ZNF385D: variants seen among roughly 807,000 people sequenced by gnomAD.
The protein encoded by ZNF385D is zinc finger protein 659.
Under a neutral mutation model 35.8 loss-of-function variants are expected in ZNF385D, and 15 were observed. The ratio of observed to expected loss-of-function variants is 0.42; its 90% confidence interval spans 0.28 to 0.64. The LOEUF (loss-of-function observed/expected upper bound fraction) is 0.64, where lower values mean the gene tolerates loss of function less well. Among genes scored for constraint, ZNF385D ranks in the 30% least tolerant of loss-of-function variants. The pLI is 0.23. For synonymous variants in ZNF385D, 212 were observed against 186.8 expected (o/e 1.13, Z -1.10); for missense variants, 474 against 494.6 (o/e 0.96, Z 0.39).
rs61668943 is a variant in ZNF385D, at chr3:22,180,914, C to CTTTTTTTTTTTTTTTTTTTTTTTTTT, written c.107-11880_107-11879insAAAAAAAAAAAAAAAAAAAAAAAAAA. Among the ~76,000 whole-genome samples, 158 of 112,918 alleles carry CTTTTTTTTTTTTTTTTTTTTTTTTTT rather than the reference C, an allele frequency of 1.4e-3. 13 individuals are homozygous for CTTTTTTTTTTTTTTTTTTTTTTTTTT. The highest frequency in any genetic ancestry group is 5.4e-3 in the Middle Eastern group (1 of 184). 74.1% of individuals were successfully genotyped at this position (112,918 alleles called of 152,430 possible). On this transcript the variant is annotated intron_variant, in intron 2 of 5. Coordinates refer to the ZNF385D transcript ENST00000494108. The stretch of plus-strand genomic sequence containing the variant: ...AATCCAGTAGCTATATGCTTTTGTT[C>CTTTTTTTTTTTTTTTTTTTTTTTTTT]TTTTTTTTTTTTTTTTAAGAGACAG...
At chr3:21,707,743 CT>C (rs2067960215) in intron 1 of ZNF385D, among the ~76,000 whole-genome samples, 1 of 152,184 alleles carries the variant, frequency 6.6e-6, no homozygotes, top group Admixed American at 6.5e-5. Flanking sequence ...GTACCAGTTT[CT>C]TTAATGCTCT....
At position 21,798,621 on chromosome 3, in the gene ZNF385D, T is replaced by C. The variant is rs184606011; in HGVS notation, c.326-133593A>G. On this transcript the variant is annotated intron_variant, in intron 3 of 5. Transcript: ENST00000494108. ...CAGCGTCAACTAATTAGAAACCTTA[T>C]TTATATCTGTAAAATTTTTTCATCT... Among the ~76,000 whole-genome samples, 146 of 152,244 alleles carry C rather than the reference T, an allele frequency of 9.6e-4. 3 individuals are homozygous for C. Among genetic ancestry groups the C allele is most frequent in the Admixed American group, 8.6e-3 (132 of 15,282 alleles).
chr3:21,736,232 T>C (rs2069235345), intron 1 of ZNF385D, among the ~76,000 whole-genome samples: 1 of 152,322 alleles, frequency 6.6e-6, no homozygotes, highest in South Asian at 2.1e-4. Context: ...AAGAGCTCAA[T>C]AGATGGTGAC....
At chr3:21,724,161 T>A (rs369864659) in intron 1 of ZNF385D, among the ~76,000 whole-genome samples, 10 of 151,834 alleles carry the variant, frequency 6.6e-5, no homozygotes, top group African/African-American at 2.4e-4. Flanking sequence ...GCACTACACA[T>A]AGAAAGGAGC....
intron 2 of ZNF385D, among the ~76,000 whole-genome samples, chr3:21,608,990 A>G (rs188442760): frequency 2.6e-5 from 4 of 152,332 alleles, no homozygotes; most frequent in Admixed American, 2.0e-4. Context: ...GATGTAATCA[A>G]GTATTTGATA....
At chr3:22,315,683 A>C (rs1461094870) in intron 2 of ZNF385D, among the ~76,000 whole-genome samples, 3 of 152,214 alleles carry the variant, frequency 2.0e-5, no homozygotes, top group Non-Finnish European at 1.5e-5. Context: ...CTGCGACAGA[A>C]GTCTACCATG....
chr3:22,306,181 C>G (rs1703203480), intron 2 of ZNF385D, among the ~76,000 whole-genome samples: 1 of 152,000 alleles, frequency 6.6e-6, no homozygotes, highest in African/African-American at 2.4e-5. Context: ...ATAAATTGCC[C>G]TTGACTACCT....
At chr3:22,097,656 A>T (rs1701704116) in intron 3 of ZNF385D, among the ~76,000 whole-genome samples, 1 of 152,008 alleles carries the variant, frequency 6.6e-6, no homozygotes, top group South Asian at 2.1e-4. Flanking sequence ...CCAGTATGTG[A>T]TTTTCATAGG....
intron 2 of ZNF385D, among the ~76,000 whole-genome samples, chr3:21,610,170 A>G (rs911429021): frequency 6.6e-6 from 1 of 152,042 alleles, no homozygotes; most frequent in Non-Finnish European, 1.5e-5. Context: ...TTATGCATAT[A>G]TATGCATAAA....
chr3:21,927,551 T>C (rs1700791264), intron 3 of ZNF385D, among the ~76,000 whole-genome samples: 1 of 152,196 alleles, frequency 6.6e-6, no homozygotes, highest in Non-Finnish European at 1.5e-5. Context: ...AAGAGATTGC[T>C]GGGCTGAATT....
chr3:21,663,039 A>G (rs549178375), intron 2 of ZNF385D, among the ~76,000 whole-genome samples: 1 of 152,254 alleles, frequency 6.6e-6, no homozygotes, highest in East Asian at 1.9e-4. Context: ...GGTCTTATCG[A>G]TGGTAACAGG....
intron 3 of ZNF385D, among the ~76,000 whole-genome samples, chr3:21,820,242 A>G (rs1252332351): frequency 6.6e-6 from 1 of 151,862 alleles, no homozygotes; most frequent in African/African-American, 2.4e-5. Context: ...TACGTTTCAG[A>G]GAATTAGTAA....
chr3:21,896,596 G>C (rs1699149909), intron 3 of ZNF385D, among the ~76,000 whole-genome samples: 1 of 152,092 alleles, frequency 6.6e-6, no homozygotes, highest in South Asian at 2.1e-4. Context: ...CTATAAAAGA[G>C]CTTCCTATTT....
At position 21,764,029 on chromosome 3, in the gene ZNF385D, A is replaced by C. The variant is rs368871796; in HGVS notation, c.326-99001T>G. Among the ~76,000 whole-genome samples, 13 of 152,242 alleles carry C rather than the reference A, an allele frequency of 8.5e-5. No individual in the cohort carries two copies. In the East Asian group the frequency reaches 1.9e-3, roughly 23 times the overall value. On this transcript the variant is annotated intron_variant, in intron 3 of 5. Transcript: ENST00000494108. ...TGGAAGGTGGATCAATGGCTACAAC[A>C]ATCTGTTGAAAATGGTCAGAAAAGT...
chr3:21,500,583 T>C (rs1317679950), intron 4 of ZNF385D, among the ~76,000 whole-genome samples: 1 of 152,180 alleles, frequency 6.6e-6, no homozygotes, highest in African/African-American at 2.4e-5. Context: ...CTTTTGTGCG[T>C]TAGCATGTGA....
At chr3:21,424,397 C>A (rs1289668520) in intron 6 of ZNF385D, among the ~76,000 whole-genome samples, 1 of 134,492 alleles carries the variant, frequency 7.4e-6, no homozygotes, top group Non-Finnish European at 1.6e-5. Flanking sequence ...TAAGTGCAAC[C>A]TCTGCCTCCC....
At chr3:21,772,580 G>A (rs1432877366) in intron 3 of ZNF385D, among the ~76,000 whole-genome samples, 1 of 151,874 alleles carries the variant, frequency 6.6e-6, no homozygotes, top group Non-Finnish European at 1.5e-5. Context: ...AAGAGGAGGA[G>A]AAATTGAAAC....
rs191213086 is a variant in ZNF385D, at chr3:21,426,414, C to T, written c.674-744G>A. Among the ~76,000 whole-genome samples the T allele has an allele frequency of 7.9e-5, 12 of 152,238 alleles. No homozygotes were observed. The East Asian group carries it at 2.3e-3, about 29-fold the overall frequency. On this transcript the variant is annotated intron_variant, in intron 5 of 7. Transcript: ENST00000281523. Reference sequence around the variant, plus strand: ...AGGCCTTCACACATCATTCATGCAACTCTGATTGTCAACCGTTAACAACCC... The same window carrying T: ...AGGCCTTCACACATCATTCATGCAATTCTGATTGTCAACCGTTAACAACCC...
intron 3 of ZNF385D, among the ~76,000 whole-genome samples, chr3:21,788,915 C>T (rs959367471): frequency 6.6e-6 from 1 of 152,196 alleles, no homozygotes; most frequent in Non-Finnish European, 1.5e-5. Flanking sequence ...ACCTGCTGGT[C>T]TGGATTAGGG....
Sources: allele counts gnomAD v4.1 joint callset (sites outside exome capture counted in the v4.1 genomes callset), GRCh38; gene constraint gnomAD v4.1.1; transcripts MANE v1.5; gene names NCBI Gene and HGNC (gene_info 2026-07-23, HGNC 2026-07-21).